NADK2: variants seen among roughly 807,000 people sequenced by gnomAD.
The protein encoded by NADK2 is NAD kinase domain-containing protein 1, mitochondrial.
A neutral mutation model predicts 62.1 loss-of-function variants in NADK2; 35 were observed. The observed-to-expected ratio is 0.56, with a 90% CI of 0.43 to 0.75. NADK2 has a LOEUF of 0.75. Ranked by LOEUF, NADK2 falls within the 30% of genes least tolerant of loss-of-function variation. The probability of loss-of-function intolerance (pLI) is 0.00; values close to 1 mark genes in which losing one functional copy is unlikely to be tolerated. For synonymous variants in NADK2, 205 were observed against 207.9 expected (o/e 0.99, Z 0.12); for missense variants, 439 against 561.3 (o/e 0.78, Z 2.20).
intron 4 of NADK2, among the ~76,000 whole-genome samples, chr5:36,222,945 A>C (rs1234922447): frequency 6.6e-6 from 1 of 152,212 alleles, no homozygotes; most frequent in Non-Finnish European, 1.5e-5. Flanking sequence ...TTTTAATACC[A>C]CTGGATATAT....
At chr5:36,231,633 C>T (rs1226629693) in intron 1 of NADK2, among the ~76,000 whole-genome samples, 6 of 152,174 alleles carry the variant, frequency 3.9e-5, no homozygotes, top group Non-Finnish European at 8.8e-5. Context: ...TACATTCAAT[C>T]GCCACAGCCA....
At position 36,194,415 on chromosome 5, in the gene NADK2, T is replaced by A. The variant is rs1019923123; in HGVS notation, c.*729A>T. 1 of 152,136 alleles carries A rather than the reference T, an allele frequency of 6.6e-6. No individual in the cohort carries two copies. The highest frequency in any genetic ancestry group is 2.4e-5 in the African/African-American group (1 of 41,442). The allele number at this position is 152,136 out of a possible 1,614,324, so 9.4% of individuals were successfully genotyped here. On this transcript the variant is annotated 3_prime_UTR_variant, in exon 12 of 12. Transcript: ENST00000381937. ...GAAACCTGTAAGACTCATATCATTT[T>A]AAAAAAATTGACTTAAAACACTTAT...
In NADK2 at chr5:36,241,532, G is replaced by T; in HGVS notation, c.267C>A (p.Tyr89Ter). ...TCAGGTCCTCCTCCGAGAGCTCCGC[G>T]TAACGGTACCGCTGCTGCTCGAACT... The part of the protein sequence containing the change: ...RYEFEQQRYR[Y>*]AELSEEDLKQ... The change falls in exon 1 of 12, where the codon TAC (tyrosine) becomes TAA (stop). Residue 89 changes from tyrosine to a stop codon, truncating the protein, a stop_gained. Transcript: ENST00000381937. LOFTEE classifies it high-confidence loss of function. This position sits in a 1 kb window ranked among gnomAD's most constrained non-coding sequence, Gnocchi z 4.9. 1 of 1,568,860 alleles carries T rather than the reference G, an allele frequency of 6.4e-7. No individual in the cohort carries two copies.
chr5:36,240,664 G>T (rs550238419), intron 1 of NADK2, among the ~76,000 whole-genome samples: 1 of 152,280 alleles, frequency 6.6e-6, no homozygotes, highest in Non-Finnish European at 1.5e-5. Context: ...ACAACAGGAA[G>T]ATTCAAACTC....
chr5:36,241,576 C>G lies in NADK2; in HGVS notation c.223G>C (p.Ala75Pro). The G allele has an allele frequency of 1.3e-6, 2 of 1,534,342 alleles. No homozygotes were observed. Among genetic ancestry groups the G allele is most frequent in the Admixed American group, 1.9e-5 (1 of 53,114 alleles). The change falls in exon 1 of 12, where the codon GCC becomes CCC. Residue 75 changes from alanine to proline, a missense_variant. By Grantham distance (27) the Ala-to-Pro change is conservative. Transcript: ENST00000381937. The surrounding 1 kb of genome is among the most constrained non-coding windows in gnomAD (Gnocchi z 4.9). Reference protein sequence around the residue: ...GFRPSRVVVVAKTTRYEFEQQ... With the variant: ...GFRPSRVVVVPKTTRYEFEQQ... Reference sequence around the variant, plus strand: ...TCGAACTCGTACCGGGTGGTTTTGGCCACCACCACCACCCGGGAGGGGCGG... The same window carrying G: ...TCGAACTCGTACCGGGTGGTTTTGGGCACCACCACCACCCGGGAGGGGCGG...
chr5:36,202,700 A>T (rs1022775902), intron 8 of NADK2, among the ~76,000 whole-genome samples: 2 of 152,080 alleles, frequency 1.3e-5, no homozygotes, highest in Non-Finnish European at 2.9e-5. Flanking sequence ...CCTGGCTCAG[A>T]GCCTCCCATG....
intron 2 of NADK2, 29 bp downstream of exon 2, chr5:36,227,448 C>T: frequency 3.3e-6 from 4 of 1,201,586 alleles, no homozygotes; most frequent in South Asian, 4.7e-5. Context: ...ATATAAAATC[C>T]AACCCAAGAC....
intron 1 of NADK2, among the ~76,000 whole-genome samples, chr5:36,238,323 C>T (rs1002800315): frequency 6.6e-6 from 1 of 152,094 alleles, no homozygotes. Context: ...AATAACACGG[C>T]AGACTGTTAA....
At chr5:36,206,712 T>C (rs1296955858) in intron 8 of NADK2, among the ~76,000 whole-genome samples, 1 of 151,982 alleles carries the variant, frequency 6.6e-6, no homozygotes, top group Non-Finnish European at 1.5e-5. Context: ...AAAAGGTATG[T>C]TTGGGAGGCA....
At chr5:36,227,722 C>A (rs1274882683) in intron 1 of NADK2, among the ~76,000 whole-genome samples, 157 bp from the exon 2 acceptor site, 1 of 152,026 alleles carries the variant, frequency 6.6e-6, no homozygotes, top group East Asian at 1.9e-4. Context: ...AACTAGAAAG[C>A]CTGATATCAG....
chr5:36,202,137 T>C (rs1047144326), intron 8 of NADK2, among the ~76,000 whole-genome samples: 2 of 152,026 alleles, frequency 1.3e-5, no homozygotes, highest in Non-Finnish European at 1.5e-5. Context: ...CCTGTACCCT[T>C]CATGTTTGGA....
At chr5:36,216,281 A>G (rs199555132) in intron 6 of NADK2, among the ~76,000 whole-genome samples, 2 of 148,388 alleles carry the variant, frequency 1.3e-5, no homozygotes, top group African/African-American at 4.9e-5. Flanking sequence ...TAATGAGATT[A>G]TTTGTTTGTT....
At chr5:36,195,792 G>A (rs1364770368) in intron 11 of NADK2, among the ~76,000 whole-genome samples, 1 of 152,078 alleles carries the variant, frequency 6.6e-6, no homozygotes, top group Admixed American at 6.6e-5. Flanking sequence ...CCTTCTCCCA[G>A]TCACTATCCC....
rs527281599 is a variant in NADK2, at chr5:36,238,243, G to A, written c.300+3256C>T. On this transcript the variant is annotated intron_variant, in intron 1 of 11. Coordinates refer to ENST00000381937, the MANE Select transcript of NADK2 (RefSeq NM_001085411.3). ...TATCTGCCCAAGTGCTACAACCTAA[G>A]CCACAAAATCTTCAGAAAACAAAAG... is the stretch of plus-strand genomic sequence containing the variant. 8.5e-5 allele frequency among the ~76,000 whole-genome samples: 13 copies of A among 152,212 alleles called. No homozygotes were observed. In the South Asian group the frequency reaches 2.7e-3, roughly 32 times the overall value.
In NADK2 at chr5:36,202,912, G is replaced by A. The variant is rs539035804; in HGVS notation, c.957-1751C>T. On this transcript the variant is annotated intron_variant, in intron 8 of 11. Coordinates refer to ENST00000381937, the MANE Select transcript of NADK2 (RefSeq NM_001085411.3). ...ACTGTGTTAAGCCACTGAGATTGGT[G>A]GTTTATCTTTTATAACAAATAGCTT... Among the ~76,000 whole-genome samples the A allele has an allele frequency of 2.0e-5, 3 of 152,034 alleles. No homozygotes were observed. The South Asian group carries it at 6.2e-4, about 32-fold the overall frequency.
In NADK2 at chr5:36,193,586, A is replaced by C. The variant is rs1270669055; in HGVS notation, c.*1558T>G. 1 of 150,512 alleles carries C rather than the reference A, an allele frequency of 6.6e-6. No individual in the cohort carries two copies. The highest frequency in any genetic ancestry group is 2.4e-5 in the African/African-American group (1 of 40,932). The allele number at this position is 150,512 out of a possible 1,614,324, so 9.3% of individuals were successfully genotyped here. The stretch of plus-strand genomic sequence containing the variant: ...ATGTATATCAAAAAAAAAAAGCCAG[A>C]TCAATCTCTGGGAAAACACTACATT... On this transcript the variant is annotated 3_prime_UTR_variant, in exon 12 of 12. Transcript: ENST00000381937.
chr5:36,211,975 A>T (rs972792936), intron 6 of NADK2, 53 bp from the exon 7 acceptor site: 2 of 1,368,492 alleles, frequency 1.5e-6, no homozygotes, highest in East Asian at 4.6e-5. Context: ...GATTTCTAGA[A>T]ATGTTATAAA....
chr5:36,219,600 ACT>A lies in NADK2; in HGVS notation c.638_639del (p.Glu213ValfsTer14), dbSNP rs776591935. 1.2e-6 allele frequency: 2 copies of A among 1,613,110 alleles called. No homozygotes were observed. The highest frequency in any genetic ancestry group is 1.7e-6 in the Non-Finnish European group (2 of 1,179,254). On this transcript the variant is annotated frameshift_variant, in exon 5 of 12. Coordinates refer to ENST00000381937, the MANE Select transcript of NADK2 (RefSeq NM_001085411.3). LOFTEE classifies it high-confidence loss of function. Reference protein sequence around the residue: ...PEALQKFYRGEFRWLWRQRIR... With the variant: ...PEALQKFYRGXFRWLWRQRIR... ...ACAACCGTAAGAAATTCCTACCTGAACTCACCACGATAGAACTTCTGTAAGGC... is the reference window on the plus strand; with the variant it reads ...ACAACCGTAAGAAATTCCTACCTGAACACCACGATAGAACTTCTGTAAGGC...
At position 36,241,428 on chromosome 5, in the gene NADK2, C is replaced by G; in HGVS notation, c.300+71G>C. 3 of 1,458,198 alleles carry G rather than the reference C, an allele frequency of 2.1e-6. No individual in the cohort carries two copies. The highest frequency in any genetic ancestry group is 1.5e-5 in the African/African-American group (1 of 67,828). The allele number at this position is 1,458,198 out of a possible 1,614,324, so 90.3% of individuals were successfully genotyped here. ...GGAAGAGTCGTCCCGAGAGGTCCCC[C>G]CGAGGGGGCGCAGCCGCCACCAGAG... On this transcript the variant is annotated intron_variant, in intron 1 of 11. Coordinates refer to ENST00000381937, the MANE Select transcript of NADK2 (RefSeq NM_001085411.3). The surrounding 1 kb of genome is among the most constrained non-coding windows in gnomAD (Gnocchi z 4.9).
Sources: gnomAD v4.1 joint callset for allele counts (sites outside exome capture counted in the v4.1 genomes callset) on GRCh38, gnomAD v4.1.1 for gene constraint, Gnocchi (gnomAD v3.1) non-coding constraint, MANE v1.5 for transcripts, NCBI Gene and HGNC (gene_info 2026-07-23, HGNC 2026-07-21) for gene names.